Variants in AK3 observed in about 807,000 individuals in gnomAD.
The protein encoded by AK3 is GTP:AMP phosphotransferase AK3, mitochondrial.
In AK3, 27 loss-of-function variants were observed where a neutral mutation model predicts 23.7. That is an observed-to-expected ratio of 1.14 (90% CI 0.84 to 1.57). The LOEUF (loss-of-function observed/expected upper bound fraction) is 1.57, where lower values mean the gene tolerates loss of function less well. Ranked by LOEUF, AK3 falls within the 40% of genes most tolerant of loss-of-function variation. AK3 has a pLI of 0.00. For missense variants in AK3, 406 were observed against 285.6 expected, an observed-to-expected ratio of 1.42 and a Z score of -3.04; for synonymous variants, 159 against 116.0, an observed-to-expected ratio of 1.37 and a Z score of -2.38.
chr9:4,729,015 A>ATATTTTTTTTTT (rs71326127), intron 1 of AK3, among the ~76,000 whole-genome samples: 3 of 129,450 alleles, frequency 2.3e-5, no homozygotes, highest in African/African-American at 8.8e-5. Context: ...ATATATATAT[A>ATATTTTTTTTTT]TTTTTTTTTT....
At chr9:4,734,180 G>C (rs1445624498) in intron 1 of AK3, among the ~76,000 whole-genome samples, 3 of 152,140 alleles carry the variant, frequency 2.0e-5, no homozygotes, top group Non-Finnish European at 4.4e-5. Context: ...AGACATCAGG[G>C]TTGCCTGCTT....
chr9:4,736,583 C>A (rs775958619), intron 1 of AK3, among the ~76,000 whole-genome samples: 9 of 151,830 alleles, frequency 5.9e-5, no homozygotes, highest in Non-Finnish European at 1.3e-4. Context: ...AATCCAGGGA[C>A]TGACAGAAGT....
At chr9:4,733,212 T>C (rs993426508) in intron 1 of AK3, among the ~76,000 whole-genome samples, 1 of 152,148 alleles carries the variant, frequency 6.6e-6, no homozygotes, top group Non-Finnish European at 1.5e-5. Flanking sequence ...CCTGCCAAAA[T>C]GCTTTTAGCA....
chr9:4,739,547 G>T, intron 1 of AK3, among the ~76,000 whole-genome samples: 1 of 151,250 alleles, frequency 6.6e-6, no homozygotes, highest in East Asian at 1.9e-4. Flanking sequence ...GGATTTGTCC[G>T]TTTTCATGTG....
intron 4 of AK3, among the ~76,000 whole-genome samples, chr9:4,713,938 C>CACATATACACCTA: frequency 1.6e-5 from 2 of 126,464 alleles, no homozygotes; most frequent in African/African-American, 3.0e-5. Context: ...ATACACACCT[C>CACATATACACCTA]CACATATACA....
chr9:4,736,392 A>G (rs1229658807), intron 1 of AK3, among the ~76,000 whole-genome samples: 1 of 151,836 alleles, frequency 6.6e-6, no homozygotes, highest in Non-Finnish European at 1.5e-5. Context: ...TAAGCATAAA[A>G]TATCTTGGAA....
chr9:4,728,013 G>T (rs1268315340), intron 1 of AK3, among the ~76,000 whole-genome samples: 3 of 152,136 alleles, frequency 2.0e-5, no homozygotes, highest in Non-Finnish European at 2.9e-5. Flanking sequence ...CATCTTATAT[G>T]GGTATAGTTC....
At chr9:4,734,456 G>A (rs1842224110) in intron 1 of AK3, among the ~76,000 whole-genome samples, 1 of 152,142 alleles carries the variant, frequency 6.6e-6, no homozygotes, top group South Asian at 2.1e-4. Context: ...CCACTACCTA[G>A]CACATATCTG....
intron 4 of AK3, among the ~76,000 whole-genome samples, chr9:4,716,208 A>G (rs1288483745): frequency 6.6e-6 from 1 of 152,234 alleles, no homozygotes; most frequent in Admixed American, 6.5e-5. Flanking sequence ...CTTAGTTAAT[A>G]TAAGCACATA....
chr9:4,731,939 A>G (rs1012212590), intron 1 of AK3, among the ~76,000 whole-genome samples: 1 of 151,886 alleles, frequency 6.6e-6, no homozygotes, highest in African/African-American at 2.4e-5. Context: ...CAGTAAATCT[A>G]TTTTCTTTTC....
intron 1 of AK3, among the ~76,000 whole-genome samples, chr9:4,727,935 G>C (rs746051030): frequency 1.3e-5 from 2 of 152,186 alleles, no homozygotes; most frequent in Non-Finnish European, 2.9e-5. Context: ...CTCGAGGAGA[G>C]AGAGACAAGG....
chr9:4,714,938 G>A (rs1398275701), intron 4 of AK3, among the ~76,000 whole-genome samples: 1 of 152,102 alleles, frequency 6.6e-6, no homozygotes, highest in African/African-American at 2.4e-5. Flanking sequence ...ACTGAATTCG[G>A]CCGGGTGTGG....
At chr9:4,723,228 G>T (rs1049980814) in intron 1 of AK3, among the ~76,000 whole-genome samples, 2 of 152,160 alleles carry the variant, frequency 1.3e-5, no homozygotes, top group Non-Finnish European at 2.9e-5. Flanking sequence ...GAATTGAGTG[G>T]TTTTGAAAAT....
chr9:4,732,849 A>G lies in AK3; in HGVS notation c.151+8088T>C, dbSNP rs1211036160. Among the ~76,000 whole-genome samples, 3 of 150,382 alleles carry G rather than the reference A, an allele frequency of 2.0e-5. No homozygotes were observed. In the East Asian group the frequency reaches 5.9e-4, roughly 30 times the overall value. ...AAAGAGGGACCTGACCAAACTGTAA[A>G]TAACAGTTCTCTCTCTCTCTCTTTT... On this transcript the variant is annotated intron_variant, in intron 1 of 4. Transcript: ENST00000381809.
At chr9:4,720,805 T>A (rs1239538862) in intron 2 of AK3, among the ~76,000 whole-genome samples, 1 of 152,186 alleles carries the variant, frequency 6.6e-6, no homozygotes, top group Non-Finnish European at 1.5e-5. Flanking sequence ...AATTTGCCAG[T>A]GATCTAGACC....
chr9:4,730,971 C>T (rs1028936909), intron 1 of AK3, among the ~76,000 whole-genome samples: 19 of 87,142 alleles, frequency 2.2e-4, no homozygotes, highest in Admixed American at 4.6e-4. Context: ...ATTATGGACC[C>T]AGTTTCTGCT....
At chr9:4,719,989 G>C (rs2989446) in intron 2 of AK3, among the ~76,000 whole-genome samples, 1 of 152,136 alleles carries the variant, frequency 6.6e-6, no homozygotes, top group East Asian at 1.9e-4. Context: ...GCTTGAACCC[G>C]GGAGGGGAGG....
chr9:4,718,627 C>G, intron 3 of AK3, 90 bp from the exon 4 acceptor site: 1 of 1,014,484 alleles, frequency 9.9e-7, no homozygotes, highest in Non-Finnish European at 1.5e-6. Flanking sequence ...ACAGACATCT[C>G]TGTGCAAGTG....
chr9:4,739,728 G>C (rs1418392024), intron 1 of AK3, among the ~76,000 whole-genome samples: 1 of 151,880 alleles, frequency 6.6e-6, no homozygotes, highest in Non-Finnish European at 1.5e-5. Flanking sequence ...TCAGGAGATG[G>C]GGACCAGCCT....
Sources: gnomAD v4.1 joint callset for allele counts (sites outside exome capture counted in the v4.1 genomes callset) on GRCh38, gnomAD v4.1.1 for gene constraint, MANE v1.5 for transcripts, NCBI Gene and HGNC (gene_info 2026-07-23, HGNC 2026-07-21) for gene names.